Variants in PCDHA9 observed in about 807,000 individuals in gnomAD.
PCDHA9 encodes the protein protocadherin alpha 9.
A neutral mutation model predicts 62.0 loss-of-function variants in PCDHA9; 62 were observed. That is an observed-to-expected ratio of 1.00 (90% CI 0.81 to 1.23). The LOEUF (loss-of-function observed/expected upper bound fraction) is 1.23. Ranked by LOEUF, PCDHA9 falls within the 50% of genes most tolerant of loss-of-function variation. The probability of loss-of-function intolerance (pLI) is 0.00; values close to 1 mark genes in which losing one functional copy is unlikely to be tolerated. For missense variants in PCDHA9, 1,205 were observed against 1,249.8 expected (o/e 0.96, Z 0.54); for synonymous variants, 557 against 567.6 (o/e 0.98, Z 0.27).
At chr5:140,971,207 A>C (rs2096463327) in intron 1 of PCDHA9, among the ~76,000 whole-genome samples, 1 of 152,050 alleles carries the variant, frequency 6.6e-6, no homozygotes, top group South Asian at 2.1e-4. Flanking sequence ...AGACACTGTT[A>C]CCCTCCCTCT....
intron 1 of PCDHA9, chr5:140,864,839 G>T (rs1335962458): frequency 6.6e-6 from 1 of 152,156 alleles, no homozygotes; most frequent in African/African-American, 2.4e-5. Flanking sequence ...GTATAAGAGA[G>T]TCTTCCCATA....
chr5:140,891,933 C>T (rs1554185011), intron 1 of PCDHA9, among the ~76,000 whole-genome samples: 1 of 152,220 alleles, frequency 6.6e-6, no homozygotes, highest in African/African-American at 2.4e-5. Flanking sequence ...TGATCTTGGA[C>T]TTCCCCTAGG....
At chr5:140,928,356 C>A in intron 1 of PCDHA9, 1 of 1,614,176 alleles carries the variant, frequency 6.2e-7, no homozygotes, top group South Asian at 1.1e-5. Context: ...TGGATGTTAT[C>A]TCTGAAGGGC....
At chr5:140,859,461 A>G (rs1394799940) in intron 1 of PCDHA9, 1 of 216,144 alleles carries the variant, frequency 4.6e-6, no homozygotes, top group Non-Finnish European at 9.0e-6. Flanking sequence ...TGACAAAACT[A>G]CACTATCAAT....
chr5:140,882,587 G>C (rs559310344), intron 1 of PCDHA9: 9 of 1,614,256 alleles, frequency 5.6e-6, no homozygotes, highest in Non-Finnish European at 6.8e-6. Flanking sequence ...CATCCACCTG[G>C]AGGTGATCGT....
intron 3 of PCDHA9, among the ~76,000 whole-genome samples, chr5:140,984,861 C>T (rs1163314869): frequency 6.6e-6 from 1 of 151,870 alleles, no homozygotes; most frequent in Non-Finnish European, 1.5e-5. Flanking sequence ...ATAATAACAC[C>T]TATTTTATTG....
chr5:140,959,493 A>C (rs533403086), intron 1 of PCDHA9, among the ~76,000 whole-genome samples: 3 of 152,280 alleles, frequency 2.0e-5, no homozygotes, highest in South Asian at 2.1e-4. Context: ...TTATATATGG[A>C]TCAAACTAAA....
At chr5:140,937,824 A>G (rs1229119616) in intron 1 of PCDHA9, among the ~76,000 whole-genome samples, 1 of 151,696 alleles carries the variant, frequency 6.6e-6, no homozygotes, top group African/African-American at 2.4e-5. Context: ...AGGCAGGAGA[A>G]TGGCATGAAC....
chr5:140,986,834 C>T (rs2097214742), intron 3 of PCDHA9, among the ~76,000 whole-genome samples: 1 of 152,104 alleles, frequency 6.6e-6, no homozygotes. Context: ...CAATGGTTCT[C>T]AAAGGGGCAG....
chr5:140,936,547 A>G (rs1554211059), intron 1 of PCDHA9, among the ~76,000 whole-genome samples: 1 of 152,240 alleles, frequency 6.6e-6, no homozygotes, highest in East Asian at 1.9e-4. Context: ...AGTGCAATGT[A>G]GAAGTCAAGA....
chr5:140,941,191 T>TTTTTCTTTC lies in PCDHA9; in HGVS notation c.2395-37755_2395-37754insTCTTTCTTT, dbSNP rs1554213809. 3.1e-4 allele frequency among the ~76,000 whole-genome samples: 29 copies of TTTTTCTTTC among 93,252 alleles called. No homozygotes were observed. The East Asian group carries it at 6.1e-3, about 20-fold the overall frequency. 61.2% of individuals were successfully genotyped at this position (93,252 alleles called of 152,430 possible). On this transcript the variant is annotated intron_variant, in intron 1 of 3. Transcript: ENST00000532602. ...CATCTTGAACATCCTGCTTCTTTTT[T>TTTTTCTTTC]TTTCTTTCTTCCTTTCTTTCTTCCT...
At chr5:140,926,819 C>G in intron 1 of PCDHA9, 1 of 1,493,950 alleles carries the variant, frequency 6.7e-7, no homozygotes, top group Non-Finnish European at 8.9e-7. Context: ...CTCGTGCTCT[C>G]CAGGAGTCCG....
chr5:140,926,919 A>C (rs782148872), intron 1 of PCDHA9: 2 of 1,566,668 alleles, frequency 1.3e-6, no homozygotes, highest in South Asian at 2.4e-5. Flanking sequence ...TGGCAGTTTT[A>C]TGTTTGTGGG....
At chr5:140,966,447 C>T (rs373859357) in intron 1 of PCDHA9, 40 of 425,326 alleles carry the variant, frequency 9.4e-5, no homozygotes, top group Middle Eastern at 5.8e-4. Context: ...CTCCCTTTCC[C>T]CCTCCCCCTC....
rs185914290 is a variant in PCDHA9, at chr5:140,920,039, G to C, written c.2395-58910G>C. ...AGATGGAGACAGAGATTGGAGTGAT[G>C]TCAACAGCCACCAACACCTGGAAAA... On this transcript the variant is annotated intron_variant, in intron 1 of 3. Transcript: ENST00000532602. Among the ~76,000 whole-genome samples, 5 of 152,280 alleles carry C rather than the reference G, an allele frequency of 3.3e-5. No homozygotes were observed. In the South Asian group the frequency reaches 1.0e-3, roughly 32 times the overall value.
chr5:140,882,748 A>G (rs1562779294), intron 1 of PCDHA9: 1 of 1,614,258 alleles, frequency 6.2e-7, no homozygotes, highest in Non-Finnish European at 8.5e-7. Flanking sequence ...CATCCGATGC[A>G]GATATTGGAG....
intron 1 of PCDHA9, chr5:140,876,735 T>C (rs782576636): frequency 2.0e-5 from 33 of 1,614,084 alleles, no homozygotes; most frequent in Non-Finnish European, 2.7e-5. Context: ...TGTCGGCCTA[T>C]GAGCTGGTGG....
intron 1 of PCDHA9, chr5:140,927,429 C>T: frequency 6.2e-7 from 1 of 1,614,118 alleles, no homozygotes; most frequent in Non-Finnish European, 8.5e-7. Flanking sequence ...GGGTTGACGG[C>T]AGCGAATACC....
intron 3 of PCDHA9, among the ~76,000 whole-genome samples, chr5:141,009,094 C>A (rs1350235475): frequency 6.6e-6 from 1 of 152,176 alleles, no homozygotes; most frequent in Non-Finnish European, 1.5e-5. Context: ...AAGAACCAAA[C>A]ATATGTTACT....
Sources: gnomAD v4.1 joint callset for allele counts (sites outside exome capture counted in the v4.1 genomes callset) on GRCh38, gnomAD v4.1.1 for gene constraint, MANE v1.5 for transcripts, NCBI Gene and HGNC (gene_info 2026-07-23, HGNC 2026-07-21) for gene names.